Variants in PCDHA6 observed in about 807,000 individuals in gnomAD.
The protein encoded by PCDHA6 is protocadherin alpha-6.
A neutral mutation model predicts 60.3 loss-of-function variants in PCDHA6; 55 were observed. That is an observed-to-expected ratio of 0.91 (90% confidence interval 0.73 to 1.14). PCDHA6 has a LOEUF of 1.14. PCDHA6 is among the 50% of genes most tolerant of loss of function. PCDHA6 has a pLI of 0.00. For synonymous variants in PCDHA6, 652 were observed against 557.9 expected (o/e 1.17, Z -2.38); for missense variants, 1,327 against 1,256.5 (o/e 1.06, Z -0.85).
intron 1 of PCDHA6, among the ~76,000 whole-genome samples, chr5:140,893,379 ACAG>A (rs2063957000): frequency 6.6e-6 from 1 of 152,140 alleles, no homozygotes; most frequent in South Asian, 2.1e-4. Context: ...CATTTATGGG[ACAG>A]TGGCTCATGC....
intron 1 of PCDHA6, chr5:140,875,805 C>A: frequency 6.2e-7 from 1 of 1,614,172 alleles, no homozygotes; most frequent in Non-Finnish European, 8.5e-7. Context: ...TGATCGTGGA[C>A]AGGCCGCTGC....
chr5:140,973,863 T>C (rs868937124), intron 1 of PCDHA6, among the ~76,000 whole-genome samples: 1 of 152,224 alleles, frequency 6.6e-6, no homozygotes. Context: ...TTGCTCTCAA[T>C]GAGAGGTCAG....
At chr5:140,952,847 T>C (rs1199940738) in intron 1 of PCDHA6, among the ~76,000 whole-genome samples, 1 of 152,160 alleles carries the variant, frequency 6.6e-6, no homozygotes, top group Middle Eastern at 3.2e-3. Flanking sequence ...TCTGCTTGTC[T>C]TCTGGGGAGG....
chr5:140,986,000 A>G (rs549071976), intron 3 of PCDHA6, among the ~76,000 whole-genome samples: 1 of 151,922 alleles, frequency 6.6e-6, no homozygotes, highest in Non-Finnish European at 1.5e-5. Flanking sequence ...CAGCCTCCCA[A>G]AGTGCTGGGA....
In PCDHA6 at chr5:140,850,228, G is replaced by A. The variant is rs199589192; in HGVS notation, c.2394+19743G>A. 517 of 1,593,874 alleles carry A rather than the reference G, an allele frequency of 3.2e-4. 25 individuals are homozygous for A. In the South Asian group the frequency reaches 5.4e-3, roughly 17 times the overall value. On this transcript the variant is annotated intron_variant, in intron 1 of 3. Coordinates refer to ENST00000529310, the MANE Select transcript of PCDHA6 (RefSeq NM_018909.4). ...ATGAGGGGCACTGACGGCGCAGTGA[G>A]CGAGATGGTGCTGCGGTCGGTGGGC...
At chr5:140,868,810 G>C (rs944762063) in intron 1 of PCDHA6, 6 of 369,934 alleles carry the variant, frequency 1.6e-5, no homozygotes, top group African/African-American at 1.2e-4. Flanking sequence ...AAGCACGTTG[G>C]AAATATTTGG....
At position 140,857,279 on chromosome 5, in the gene PCDHA6, G is replaced by A. The variant is rs782434219; in HGVS notation, c.2394+26794G>A. 6 of 1,598,610 alleles carry A rather than the reference G, an allele frequency of 3.8e-6. No homozygotes were observed. Among genetic ancestry groups the A allele is most frequent in the Admixed American group, 1.7e-5 (1 of 59,324 alleles). Reference sequence around the variant, plus strand: ...TTACTACTCATTGGTGCTGGACAGCGCTCTGGACCGCGAGAGGGTGTCGGC... The same window carrying A: ...TTACTACTCATTGGTGCTGGACAGCACTCTGGACCGCGAGAGGGTGTCGGC... On this transcript the variant is annotated intron_variant, in intron 1 of 3. Coordinates refer to ENST00000529310, the MANE Select transcript of PCDHA6 (RefSeq NM_018909.4).
chr5:140,942,769 T>A (rs1554215212), intron 1 of PCDHA6, among the ~76,000 whole-genome samples: 1 of 152,202 alleles, frequency 6.6e-6, no homozygotes, highest in Non-Finnish European at 1.5e-5. Flanking sequence ...GCATAATGTA[T>A]TTTTAGGCAG....
rs2150165707 is a variant in PCDHA6, at chr5:140,829,309, G to T, written c.1218G>T (p.Ser406=). The T allele has an allele frequency of 1.2e-6, 2 of 1,614,252 alleles. No homozygotes were observed. The highest frequency in any genetic ancestry group is 1.1e-5 in the South Asian group (1 of 91,086). Residue 406 remains serine (S), a synonymous_variant, in exon 1 of 4, where the codon TCG becomes TCT. Coordinates refer to ENST00000529310, the MANE Select transcript of PCDHA6 (RefSeq NM_018909.4). Reference sequence around the variant, plus strand: ...TGTCCACCTTCAAGAATTACTACTCGTTGGTGCTGGACAGTGCCCTGGACC... The same window carrying T: ...TGTCCACCTTCAAGAATTACTACTCTTTGGTGCTGGACAGTGCCCTGGACC... ...KLVSTFKNYY[S]LVLDSALDRE...
At chr5:140,927,581 C>T (rs1554204769) in intron 1 of PCDHA6, 1 of 1,614,150 alleles carries the variant, frequency 6.2e-7, no homozygotes, top group East Asian at 2.2e-5. Context: ...AATGACAACG[C>T]GCCTGTATTT....
At chr5:140,993,023 G>C (rs2097537603) in intron 3 of PCDHA6, among the ~76,000 whole-genome samples, 1 of 152,146 alleles carries the variant, frequency 6.6e-6, no homozygotes. Flanking sequence ...AGCATCCCCT[G>C]TGGGCTCCGT....
At chr5:140,845,181 TA>T (rs1554140854) in intron 1 of PCDHA6, among the ~76,000 whole-genome samples, 1 of 149,328 alleles carries the variant, frequency 6.7e-6, no homozygotes, top group African/African-American at 2.5e-5. Context: ...TTTAGTCCTT[TA>T]AAAAATATGA....
At chr5:140,898,677 T>C (rs1197350501) in intron 1 of PCDHA6, among the ~76,000 whole-genome samples, 2 of 152,222 alleles carry the variant, frequency 1.3e-5, no homozygotes, top group Non-Finnish European at 2.9e-5. Flanking sequence ...TTGCGGGCTG[T>C]TTTTTGGTTC....
At position 140,882,956 on chromosome 5, in the gene PCDHA6, A is replaced by G; in HGVS notation, c.2394+52471A>G. The stretch of plus-strand genomic sequence containing the variant: ...GCTGACTGGCACAGTTCAGCTGCTC[A>G]TCACGATTCTGGACGTGAATGACAA... On this transcript the variant is annotated intron_variant, in intron 1 of 3. Coordinates refer to ENST00000529310, the MANE Select transcript of PCDHA6 (RefSeq NM_018909.4). The G allele has an allele frequency of 6.2e-7, 1 of 1,614,228 alleles. No individual in the cohort carries two copies. The highest frequency in any genetic ancestry group is 8.5e-7 in the Non-Finnish European group (1 of 1,180,044).
intron 1 of PCDHA6, chr5:140,967,365 T>G: frequency 6.2e-7 from 1 of 1,607,630 alleles, no homozygotes; most frequent in Non-Finnish European, 8.5e-7. Flanking sequence ...CTTAAGCCCC[T>G]GCAGGAGAAC....
Position 140,830,206 on chromosome 5 carries a change from C to T in PCDHA6, c.2115C>T (p.Cys705=), listed in dbSNP as rs144997304. 2.0e-5 allele frequency: 32 copies of T among 1,613,660 alleles called. No individual in the cohort carries two copies. The Admixed American group carries it at 2.0e-4, about 10-fold the overall frequency. The change falls in exon 1 of 4, where the codon TGC becomes TGT. Residue 705 remains cysteine (C), a synonymous_variant. Coordinates refer to ENST00000529310, the MANE Select transcript of PCDHA6 (RefSeq NM_018909.4). The part of the protein sequence containing the change: ...DVNVYLIIAI[C]AVSSLLVLTL... Reference sequence around the variant, plus strand: ...ACGTGTACCTGATCATCGCCATCTGCGCGGTATCCAGCCTGCTGGTCCTCA... The same window carrying T: ...ACGTGTACCTGATCATCGCCATCTGTGCGGTATCCAGCCTGCTGGTCCTCA...
chr5:140,843,555 TG>T, intron 1 of PCDHA6: 1 of 1,595,708 alleles, frequency 6.3e-7, no homozygotes, highest in African/African-American at 1.3e-5. Context: ...TCCAGTGCGG[TG>T]GGGAGCTGGT....
intron 1 of PCDHA6, among the ~76,000 whole-genome samples, chr5:140,837,545 T>C (rs1775114799): frequency 6.6e-6 from 1 of 151,994 alleles, no homozygotes; most frequent in Non-Finnish European, 1.5e-5. Context: ...AGATTATTAT[T>C]GCCAAATTAT....
chr5:140,981,974 A>G (rs782298715), intron 2 of PCDHA6, among the ~76,000 whole-genome samples: 6 of 152,232 alleles, frequency 3.9e-5, no homozygotes, highest in Non-Finnish European at 8.8e-5. Context: ...AGATATAGAA[A>G]GAGTAAAATA....
Sources: allele counts gnomAD v4.1 joint callset (sites outside exome capture counted in the v4.1 genomes callset), GRCh38; gene constraint gnomAD v4.1.1; transcripts MANE v1.5; gene names NCBI Gene and HGNC (gene_info 2026-07-23, HGNC 2026-07-21).